Variants in PDE4D observed in about 807,000 individuals in gnomAD.
PDE4D encodes the protein 3',5'-cyclic-AMP phosphodiesterase 4D.
Under a neutral mutation model 87.4 loss-of-function variants are expected in PDE4D, and 24 were observed. The observed-to-expected ratio is 0.27, with a 90% CI of 0.20 to 0.39. The LOEUF (loss-of-function observed/expected upper bound fraction) is 0.39. PDE4D is among the 10% of genes least tolerant of loss of function. PDE4D has a pLI of 1.00. For missense variants in PDE4D, 714 were observed against 1,041.0 expected (o/e 0.69, Z 4.32); for synonymous variants, 384 against 383.2 (o/e 1.00, Z -0.02).
At chr5:60,396,626 C>T (rs1017443991) in intron 1 of PDE4D, among the ~76,000 whole-genome samples, 1 of 152,124 alleles carries the variant, frequency 6.6e-6, no homozygotes, top group Non-Finnish European at 1.5e-5. Context: ...AGGGATCCTG[C>T]CTCAAGGGAG....
intron 2 of PDE4D, among the ~76,000 whole-genome samples, chr5:60,016,129 A>C (rs1765495409): frequency 6.6e-6 from 1 of 152,016 alleles, no homozygotes; most frequent in African/African-American, 2.4e-5. Context: ...ACAGTTTCAG[A>C]CCACTGCAAT....
At chr5:60,073,843 T>A (rs1033952927) in intron 2 of PDE4D, among the ~76,000 whole-genome samples, 2 of 152,146 alleles carry the variant, frequency 1.3e-5, no homozygotes, top group African/African-American at 4.8e-5. Context: ...TCTCTGATGG[T>A]TATTTGTATT....
At chr5:59,671,737 A>G (rs1305825920) in intron 1 of PDE4D, among the ~76,000 whole-genome samples, 1 of 151,622 alleles carries the variant, frequency 6.6e-6, no homozygotes, top group African/African-American at 2.4e-5. Flanking sequence ...GAGCCCAGCA[A>G]GTAGAGGCTG....
At chr5:59,816,470 T>C (rs909562890) in intron 1 of PDE4D, among the ~76,000 whole-genome samples, 8 of 152,242 alleles carry the variant, frequency 5.3e-5, no homozygotes, top group Admixed American at 4.6e-4. Flanking sequence ...CCTGCCCTCA[T>C]GGTACTTGTA....
chr5:59,277,519 A>G (rs1435925972), intron 1 of PDE4D, among the ~76,000 whole-genome samples: 1 of 152,076 alleles, frequency 6.6e-6, no homozygotes, highest in Non-Finnish European at 1.5e-5. Context: ...TTTTTTTCTT[A>G]TTGGAATTTA....
chr5:60,069,179 A>T (rs1772443769), intron 2 of PDE4D, among the ~76,000 whole-genome samples: 3 of 152,304 alleles, frequency 2.0e-5, no homozygotes, highest in South Asian at 4.1e-4. Flanking sequence ...TGTTGGTGTC[A>T]CCCAAAATCC....
chr5:59,786,766 G>A (rs1765221454), intron 1 of PDE4D, among the ~76,000 whole-genome samples: 1 of 152,106 alleles, frequency 6.6e-6, no homozygotes, highest in Admixed American at 6.5e-5. Context: ...AGTGAAATAC[G>A]GGATTGGTGA....
At chr5:59,151,788 A>C (rs1031618596) in intron 5 of PDE4D, among the ~76,000 whole-genome samples, 1 of 152,138 alleles carries the variant, frequency 6.6e-6, no homozygotes, top group Non-Finnish European at 1.5e-5. Flanking sequence ...GGAATGAGGG[A>C]GCATGATGAA....
chr5:60,319,383 C>T (rs143387810), intron 1 of PDE4D, among the ~76,000 whole-genome samples: 5,067 of 152,236 alleles, frequency 0.033, 127 homozygotes, highest in Middle Eastern at 0.082. Flanking sequence ...GTTAGCCATT[C>T]GTCTTATCGT....
intron 5 of PDE4D, among the ~76,000 whole-genome samples, chr5:59,113,612 C>T (rs1202567698): frequency 1.2e-4 from 18 of 152,084 alleles, no homozygotes. Context: ...TTCTAAGAAA[C>T]ATAAAGCGAA....
Position 58,989,858 on chromosome 5 carries a change from G to T in PDE4D, c.1349C>A (p.Thr450Asn). Residue 450 changes from threonine to asparagine, a missense_variant, in exon 10 of 15, where the codon ACT becomes AAT. Around this residue, in one of 7 missense-constraint regions of PDE4D, gnomAD observed 141 missense variants for 204.3 expected, o/e 0.69. Coordinates refer to ENST00000340635, the MANE Select transcript of PDE4D (RefSeq NM_001104631.2). The part of the protein sequence containing the change: ...PVDTLITYLM[T>N]LEDHYHADVA... ...ATCAGCATGGTAATGGTCTTCGAGAGTCATAAGATATGTAATTAAAGTATC... is the reference window on the plus strand; with the variant it reads ...ATCAGCATGGTAATGGTCTTCGAGATTCATAAGATATGTAATTAAAGTATC... 6.4e-7 allele frequency: 1 copy of T among 1,571,492 alleles called. No homozygotes were observed. The highest frequency in any genetic ancestry group is 8.8e-7 in the Non-Finnish European group (1 of 1,141,802).
chr5:59,981,028 G>C (rs966733230), intron 3 of PDE4D, among the ~76,000 whole-genome samples: 7 of 152,080 alleles, frequency 4.6e-5, no homozygotes, highest in Non-Finnish European at 1.0e-4. Context: ...GAGGCAGGAA[G>C]ATTTCATAAG....
intron 5 of PDE4D, chr5:59,157,174 TCTGAAGGG>T: frequency 3.4e-6 from 2 of 594,734 alleles, no homozygotes; most frequent in Non-Finnish European, 6.0e-6. Flanking sequence ...TTTTTTTCTT[TCTGAAGGG>T]TTAGAATTTC....
intron 1 of PDE4D, among the ~76,000 whole-genome samples, chr5:60,337,232 C>G (rs1372887368): frequency 1.3e-5 from 2 of 150,054 alleles, no homozygotes; most frequent in East Asian, 3.9e-4. Context: ...ACTTGGGAGG[C>G]TGAGGCAGGA....
chr5:59,633,216 C>T (rs1831797145), intron 1 of PDE4D, among the ~76,000 whole-genome samples: 1 of 152,112 alleles, frequency 6.6e-6, no homozygotes, highest in Non-Finnish European at 1.5e-5. Flanking sequence ...ATGAAAAAAG[C>T]TTCCAAGAAA....
chr5:59,551,474 C>CAT (rs1818109661), intron 1 of PDE4D, among the ~76,000 whole-genome samples: 1 of 150,024 alleles, frequency 6.7e-6, no homozygotes, highest in African/African-American at 2.4e-5. Context: ...ACTTCAGTCA[C>CAT]ACACACACAC....
chr5:59,431,911 G>A (rs2153632107), intron 1 of PDE4D, among the ~76,000 whole-genome samples: 1 of 152,186 alleles, frequency 6.6e-6, no homozygotes, highest in South Asian at 2.1e-4. Context: ...AGTTTGCTAA[G>A]GATAATAGCC....
At chr5:59,851,141 T>C (rs542718072) in intron 1 of PDE4D, among the ~76,000 whole-genome samples, 1 of 152,132 alleles carries the variant, frequency 6.6e-6, no homozygotes, top group African/African-American at 2.4e-5. Flanking sequence ...CTGGAGAGCA[T>C]TTCATTTGCG....
At chr5:59,251,753 A>G (rs1212549301) in intron 1 of PDE4D, among the ~76,000 whole-genome samples, 2 of 152,172 alleles carry the variant, frequency 1.3e-5, no homozygotes, top group African/African-American at 4.8e-5. Flanking sequence ...ACTATTAACA[A>G]TAGTAACGAC....
Sources: allele counts gnomAD v4.1 joint callset (sites outside exome capture counted in the v4.1 genomes callset), GRCh38; gene constraint gnomAD v4.1.1; regional missense constraint gnomAD v4.1.1; transcripts MANE v1.5; gene names NCBI Gene and HGNC (gene_info 2026-07-23, HGNC 2026-07-21).